The following CLTCL1 variants were observed in gnomAD, a reference collection of about 807,000 sequenced individuals.
CLTCL1 encodes clathrin heavy chain 2.
A neutral mutation model predicts 190.0 loss-of-function variants in CLTCL1; 159 were observed. The observed-to-expected ratio is 0.84, with a 90% CI of 0.74 to 0.95. CLTCL1 has a LOEUF of 0.95. CLTCL1 is among the 40% of genes least tolerant of loss of function. CLTCL1 has a pLI of 0.00. For synonymous variants in CLTCL1, 752 were observed against 769.6 expected (o/e 0.98, Z 0.38); for missense variants, 1,878 against 2,033.4 (o/e 0.92, Z 1.47).
At chr22:19,282,051 C>T (rs201399954) in intron 1 of CLTCL1, among the ~76,000 whole-genome samples, 55 of 152,190 alleles carry the variant, frequency 3.6e-4, no homozygotes, top group East Asian at 2.9e-3. Context: ...AAAGGGGCGG[C>T]CGGGCACGGT....
intron 11 of CLTCL1, among the ~76,000 whole-genome samples, chr22:19,227,352 G>C (rs952263895): frequency 1.1e-4 from 16 of 146,034 alleles, no homozygotes; most frequent in African/African-American, 3.8e-4. Flanking sequence ...GTGCAATCTC[G>C]GCTCACTGCT....
chr22:19,239,382 T>C lies in CLTCL1; in HGVS notation c.688A>G (p.Ile230Val), dbSNP rs2086179306. 2.5e-6 allele frequency: 4 copies of C among 1,613,352 alleles called. No homozygotes were observed. The highest frequency in any genetic ancestry group is 2.2e-5 in the South Asian group (2 of 91,074). ...VRNPTGGKLH[I>V]IEVGQPAAGN... ...GCTGCAGGCTGTCCAACTTCAATGA[T>C]GTGCAACTAGAAGAGAGATTTTAGG... The change falls in exon 5 of 33, where the codon ATC (isoleucine) becomes GTC (valine). Residue 230 changes from isoleucine to valine, a missense_variant. Ile to Val is a conservative substitution (Grantham distance 29). Transcript: ENST00000427926.
At chr22:19,248,281 G>A (rs1206541) in intron 3 of CLTCL1, among the ~76,000 whole-genome samples, 8,942 of 151,664 alleles carry the variant, frequency 0.059, 329 homozygotes, top group Middle Eastern at 0.16. Flanking sequence ...TGGGCAACAA[G>A]AGCAAAACTC....
chr22:19,232,388 G>T, intron 10 of CLTCL1, 88 bp downstream of exon 10: 1 of 1,555,932 alleles, frequency 6.4e-7, no homozygotes, highest in Non-Finnish European at 8.8e-7. Flanking sequence ...GAAAAGCATT[G>T]AGACAAGTTA....
intron 3 of CLTCL1, 78 bp from the exon 4 acceptor site, chr22:19,243,014 A>C: frequency 1.5e-6 from 2 of 1,376,676 alleles, no homozygotes; most frequent in South Asian, 2.7e-5. Flanking sequence ...TATATTTCTA[A>C]AATGAAAGTC....
chr22:19,227,097 G>A (rs1168756647), intron 11 of CLTCL1, among the ~76,000 whole-genome samples: 1 of 151,762 alleles, frequency 6.6e-6, no homozygotes. Context: ...CAAGTCTACC[G>A]ATTCTCCTTG....
rs781894957 is a variant in CLTCL1 at position 19,226,388 on chromosome 22, G to C, written c.1783-5C>G. The C allele has an allele frequency of 1.2e-6, 2 of 1,613,924 alleles. No homozygotes were observed. Among genetic ancestry groups the C allele is most frequent in the Admixed American group, 3.3e-5 (2 of 60,026 alleles). ...TCCAAGGATGGCATCTGCAACCTATGAAACAGGGAGTTCGGTGAGAAGCCC... is the reference window on the plus strand; with the variant it reads ...TCCAAGGATGGCATCTGCAACCTATCAAACAGGGAGTTCGGTGAGAAGCCC... On this transcript the variant is annotated splice_region_variant and splice_polypyrimidine_tract_variant and intron_variant, in intron 11 of 32. Coordinates refer to ENST00000427926, the MANE Select transcript of CLTCL1 (RefSeq NM_007098.4).
At chr22:19,287,377 A>G (rs1306221242) in intron 1 of CLTCL1, among the ~76,000 whole-genome samples, 2 of 152,318 alleles carry the variant, frequency 1.3e-5, no homozygotes, top group South Asian at 2.1e-4. Flanking sequence ...CAGAAGGCTC[A>G]GTAGGAGTCA....
chr22:19,262,842 C>A (rs1341247615), intron 2 of CLTCL1, among the ~76,000 whole-genome samples: 2 of 151,566 alleles, frequency 1.3e-5, no homozygotes, highest in African/African-American at 4.8e-5. Flanking sequence ...ATCAGCCTGG[C>A]CAACATGGTG....
intron 22 of CLTCL1, among the ~76,000 whole-genome samples, chr22:19,206,622 G>A (rs528989003): frequency 1.3e-5 from 2 of 152,002 alleles, no homozygotes; most frequent in South Asian, 2.1e-4. Flanking sequence ...CCTTTTTAGA[G>A]ATGGGGGTCT....
chr22:19,273,414 T>C (rs1156777097), intron 2 of CLTCL1, among the ~76,000 whole-genome samples: 1 of 152,048 alleles, frequency 6.6e-6, no homozygotes, highest in African/African-American at 2.4e-5. Context: ...TATATGACCA[T>C]TAAGAACGAA....
At chr22:19,214,124 G>A (rs1477804792) in intron 19 of CLTCL1, among the ~76,000 whole-genome samples, 2 of 152,174 alleles carry the variant, frequency 1.3e-5, no homozygotes, top group Non-Finnish European at 2.9e-5. Flanking sequence ...AATAAGCTGA[G>A]TTCCTTTAGG....
At chr22:19,263,031 TAAAAAAA>T (rs782074357) in intron 2 of CLTCL1, among the ~76,000 whole-genome samples, 1 of 127,112 alleles carries the variant, frequency 7.9e-6, no homozygotes, top group Non-Finnish European at 1.7e-5. Flanking sequence ...ACTCCATCTT[TAAAAAAA>T]AAAAAAAAAA....
chr22:19,279,174 C>T (rs371302497), intron 1 of CLTCL1, among the ~76,000 whole-genome samples: 82 of 152,288 alleles, frequency 5.4e-4, no homozygotes, highest in African/African-American at 1.8e-3. Flanking sequence ...CTCGCTGCGA[C>T]GCCCATCCTG....
chr22:19,211,786 A>AC (rs2085235284), intron 19 of CLTCL1, among the ~76,000 whole-genome samples: 1 of 151,224 alleles, frequency 6.6e-6, no homozygotes, highest in Non-Finnish European at 1.5e-5. Context: ...AAAAAAAACA[A>AC]AAACAAAACT....
In CLTCL1 at chr22:19,196,305, C is replaced by T. The variant is rs1555935513; in HGVS notation, c.4152G>A (p.Glu1384=). ...AVLTMMSHPT[E]AWKEGQFKDI... ...CCTTGAACTGACCCTCCTTCCAGGCCTCAGTGGGGTGGCTCATCATGGTGA... is the reference window on the plus strand; with the variant it reads ...CCTTGAACTGACCCTCCTTCCAGGCTTCAGTGGGGTGGCTCATCATGGTGA... Residue 1384 remains glutamate (E), a synonymous_variant, in exon 26 of 33, where the codon GAG becomes GAA. Transcript: ENST00000427926. 6.2e-7 allele frequency: 1 copy of T among 1,613,894 alleles called. No homozygotes were observed. Among genetic ancestry groups the T allele is most frequent in the Non-Finnish European group, 8.5e-7 (1 of 1,179,864 alleles).
intron 22 of CLTCL1, among the ~76,000 whole-genome samples, chr22:19,206,355 A>G (rs1361617234): frequency 2.0e-5 from 3 of 151,964 alleles, no homozygotes; most frequent in Non-Finnish European, 2.9e-5. Flanking sequence ...TGATCTTCCC[A>G]CTTCAGCCTT....
intron 30 of CLTCL1, 76 bp downstream of exon 30, chr22:19,183,314 C>A (rs2084201836): frequency 7.4e-7 from 1 of 1,348,404 alleles, no homozygotes; most frequent in Admixed American, 1.9e-5. Flanking sequence ...ACCCTTAAGA[C>A]CTGCGGCCAG....
intron 22 of CLTCL1, among the ~76,000 whole-genome samples, chr22:19,205,474 C>G (rs187081677): frequency 6.6e-6 from 1 of 152,320 alleles, no homozygotes; most frequent in East Asian, 1.9e-4. Context: ...CGTGCCACTG[C>G]ACTGTAGCCT....
Sources: gnomAD v4.1 joint callset for allele counts (sites outside exome capture counted in the v4.1 genomes callset) on GRCh38, gnomAD v4.1.1 for gene constraint, MANE v1.5 for transcripts, NCBI Gene and HGNC (gene_info 2026-07-23, HGNC 2026-07-21) for gene names.